Variants in POU3F3 observed in about 807,000 individuals in gnomAD.
POU3F3 encodes the protein POU class 3 homeobox 3, also known as POU domain, class 3, transcription factor 3.
POU3F3 carries 1 observed loss-of-function variant against 8.6 expected under a neutral mutation model. The observed-to-expected ratio is 0.12, with a 90% CI of 0.04 to 0.55. POU3F3 has a LOEUF of 0.55. Among genes scored for constraint, POU3F3 ranks in the 20% least tolerant of loss-of-function variants. The pLI is 0.91. For missense variants in POU3F3, 577 were observed against 690.7 expected (o/e 0.84, Z 1.84); for synonymous variants, 418 against 327.4 (o/e 1.28, Z -2.99).
At chr2:104,903,501 G>A in the POU3F3 span, among the ~76,000 whole-genome samples, 2 of 152,176 alleles carry the variant, frequency 1.3e-5, no homozygotes, top group Non-Finnish European at 2.9e-5. Context: ...GCTGCTGCAC[G>A]CTTTATGTGT....
chr2:104,874,444 G>A, the POU3F3 span, among the ~76,000 whole-genome samples: 10 of 152,328 alleles, frequency 6.6e-5, no homozygotes, highest in South Asian at 1.2e-3. Context: ...GGAGAACTGG[G>A]TGGAGTCTGA....
Position 104,856,216 on chromosome 2 carries a change from G to A in POU3F3, c.706G>A (p.Ala236Thr). The A allele has an allele frequency of 7.9e-7, 1 of 1,266,426 alleles. No homozygotes were observed. The highest frequency in any genetic ancestry group is 9.9e-7 in the Non-Finnish European group (1 of 1,014,380). The allele number at this position is 1,266,426 out of a possible 1,614,324, so 78.4% of individuals were successfully genotyped here. The change falls in exon 1 of 1, where the codon GCG becomes ACG. Residue 236 changes from alanine to threonine, a missense_variant. Coordinates refer to ENST00000361360, the MANE Select transcript of POU3F3 (RefSeq NM_006236.3). ...GGFTVNGMLS[A>T]PPGPGGGGGG... ...CTTCACGGTGAACGGCATGCTGAGCGCGCCACCGGGGCCCGGCGGCGGCGG... is the reference window on the plus strand; with the variant it reads ...CTTCACGGTGAACGGCATGCTGAGCACGCCACCGGGGCCCGGCGGCGGCGG...
rs768241893 is a variant in POU3F3 at position 104,856,835 on chromosome 2, G to C, written c.1325G>C (p.Ser442Thr). The C allele has an allele frequency of 3.1e-6, 5 of 1,614,004 alleles. No individual in the cohort carries two copies. The East Asian group carries it at 1.1e-4, about 36-fold the overall frequency. Residue 442 changes from serine to threonine, a missense_variant, in exon 1 of 1, where the codon AGC (serine) becomes ACC (threonine). By Grantham distance (58) the Ser-to-Thr change is moderately conservative. This residue lies in a region of POU3F3 where 21 missense variants were observed against 41.9 expected (regional missense o/e 0.50). Coordinates refer to ENST00000361360, the MANE Select transcript of POU3F3 (RefSeq NM_006236.3). The part of the protein sequence containing the change: ...SAQEITNLAD[S>T]LQLEKEVVRV... The stretch of plus-strand genomic sequence containing the variant: ...CAGGAGATCACCAACCTGGCCGACA[G>C]CCTGCAGCTCGAGAAGGAGGTGGTG...
chr2:104,892,981 G>A, the POU3F3 span, among the ~76,000 whole-genome samples: 1 of 152,082 alleles, frequency 6.6e-6, no homozygotes, highest in Non-Finnish European at 1.5e-5. Context: ...TTGGCTAAGG[G>A]CATTCATGTT....
chr2:104,880,462 C>T, the POU3F3 span, among the ~76,000 whole-genome samples: 1 of 152,156 alleles, frequency 6.6e-6, no homozygotes. Flanking sequence ...GGAGTCCCCA[C>T]CATGCTCACA....
At chr2:104,866,103 G>A in the POU3F3 span, 5 of 152,122 alleles carry the variant, frequency 3.3e-5, no homozygotes, top group Non-Finnish European at 5.9e-5. Flanking sequence ...CTTTAAAAAC[G>A]TTTCACTCCT....
the POU3F3 span, among the ~76,000 whole-genome samples, chr2:104,868,567 T>C: frequency 2.0e-5 from 3 of 152,190 alleles, no homozygotes; most frequent in Non-Finnish European, 2.9e-5. Context: ...TCTGCCAAAG[T>C]TGGTCCAAGC....
At chr2:104,868,721 G>A in the POU3F3 span, among the ~76,000 whole-genome samples, 1 of 152,188 alleles carries the variant, frequency 6.6e-6, no homozygotes, top group Non-Finnish European at 1.5e-5. Context: ...TTGGGCAGAG[G>A]AGGGGGAGGC....
chr2:104,923,509 C>T, the POU3F3 span, among the ~76,000 whole-genome samples: 2 of 151,158 alleles, frequency 1.3e-5, no homozygotes, highest in South Asian at 2.1e-4. Flanking sequence ...ATGGTAGTTG[C>T]GAAAAATATA....
rs1384815865 is a variant in POU3F3 at position 104,857,316 on chromosome 2, T to C, written c.*303T>C. The C allele has an allele frequency of 6.4e-6, 1 of 157,404 alleles. No homozygotes were observed. The allele number at this position is 157,404 out of a possible 1,614,324, so 9.8% of individuals were successfully genotyped here. A position where few individuals can be genotyped will look rare whatever the true frequency, so the allele number is the denominator to read the frequency against. ...AAGCATAATAAACACCCAGACTGTT[T>C]TGTATACATATATAACAAACAAAAC... On this transcript the variant is annotated 3_prime_UTR_variant, in exon 1 of 1. Transcript: ENST00000361360.
chr2:104,855,683 T>C lies in POU3F3; in HGVS notation c.173T>C (p.Val58Ala). The C allele has an allele frequency of 8.6e-7, 1 of 1,165,252 alleles. No individual in the cohort carries two copies. The highest frequency in any genetic ancestry group is 1.1e-6 in the Non-Finnish European group (1 of 930,612). 72.2% of individuals were successfully genotyped at this position (1,165,252 alleles called of 1,614,324 possible). ...GGGMQPGSAAVTSGAYRGDPS... is the reference protein window; with the variant it reads ...GGGMQPGSAAATSGAYRGDPS... ...GGCATGCAGCCGGGCAGCGCCGCCG[T>C]GACCTCGGGCGCCTACCGGGGGGAC... The change falls in exon 1 of 1, where the codon GTG becomes GCG. Residue 58 changes from valine to alanine, a missense_variant. Transcript: ENST00000361360.
the POU3F3 span, among the ~76,000 whole-genome samples, chr2:104,877,660 C>CTTTTT: frequency 1.4e-5 from 2 of 138,836 alleles, no homozygotes; most frequent in Non-Finnish European, 3.1e-5. Context: ...TTCTTTTTTT[C>CTTTTT]TTTTTTTTTT....
chr2:104,855,759 C>G lies in POU3F3; in HGVS notation c.249C>G (p.Ala83=), dbSNP rs758940906. 1 of 1,327,698 alleles carries G rather than the reference C, an allele frequency of 7.5e-7. No individual in the cohort carries two copies. Among genetic ancestry groups the G allele is most frequent in the Non-Finnish European group, 9.8e-7 (1 of 1,016,746 alleles). 82.2% of individuals were successfully genotyped at this position (1,327,698 alleles called of 1,614,324 possible). The change falls in exon 1 of 1, where the codon GCC becomes GCG. Residue 83 remains alanine (A), a synonymous_variant. Transcript: ENST00000361360. ...GCGACTTCATGCAGGGGGCCATGGC[C>G]GCCAGCAACGGCGGCCATATGCTGA... ...VQSDFMQGAM[A]ASNGGHMLSH...
the POU3F3 span, among the ~76,000 whole-genome samples, chr2:104,907,406 C>A: frequency 6.6e-6 from 1 of 152,134 alleles, no homozygotes; most frequent in Non-Finnish European, 1.5e-5. Flanking sequence ...TGTGTATCTA[C>A]TTGGGTATTT....
the POU3F3 span, among the ~76,000 whole-genome samples, chr2:104,914,713 G>A: frequency 6.6e-6 from 1 of 152,154 alleles, no homozygotes; most frequent in South Asian, 2.1e-4. Context: ...AAGGAGGAGG[G>A]AGTTATAGCA....
the POU3F3 span, among the ~76,000 whole-genome samples, chr2:104,904,926 C>A: frequency 5.9e-5 from 9 of 152,178 alleles, no homozygotes; most frequent in East Asian, 1.5e-3. Flanking sequence ...ATTCCTCAGG[C>A]CAGACTTCCC....
At chr2:104,910,933 T>C in the POU3F3 span, among the ~76,000 whole-genome samples, 1 of 152,192 alleles carries the variant, frequency 6.6e-6, no homozygotes, top group Non-Finnish European at 1.5e-5. Context: ...ACAACTTACA[T>C]AGTATTTACA....
chr2:104,869,565 T>C, the POU3F3 span, among the ~76,000 whole-genome samples: 1 of 152,200 alleles, frequency 6.6e-6, no homozygotes, highest in East Asian at 1.9e-4. Flanking sequence ...ACTTGTGCAG[T>C]TCCTCATGCA....
At chr2:104,868,930 T>G in the POU3F3 span, among the ~76,000 whole-genome samples, 2 of 152,056 alleles carry the variant, frequency 1.3e-5, no homozygotes, top group Non-Finnish European at 2.9e-5. Flanking sequence ...TATAGGACAG[T>G]GGGGTGAGGG....
Sources: allele counts gnomAD v4.1 joint callset (sites outside exome capture counted in the v4.1 genomes callset), GRCh38; gene constraint gnomAD v4.1.1; regional missense constraint gnomAD v4.1.1; transcripts MANE v1.5; gene names NCBI Gene and HGNC (gene_info 2026-07-23, HGNC 2026-07-21).